Variants in DEPTOR observed in about 807,000 individuals in gnomAD.
DEPTOR encodes the protein DEP domain-containing mTOR-interacting protein.
In DEPTOR, 41 loss-of-function variants were observed where a neutral mutation model predicts 41.6. The observed-to-expected ratio is 0.98, with a 90% CI of 0.77 to 1.28. The LOEUF is 1.28. Ranked by LOEUF, DEPTOR falls within the 50% of genes most tolerant of loss-of-function variation. The pLI, the probability that DEPTOR is intolerant of heterozygous loss-of-function variation, is 0.00. For synonymous variants in DEPTOR, 195 were observed against 192.3 expected, an observed-to-expected ratio of 1.01 and a Z score of -0.12; for missense variants, 514 against 527.9, an observed-to-expected ratio of 0.97 and a Z score of 0.26.
At position 119,885,442 on chromosome 8, in the gene DEPTOR, G is replaced by A. The variant is rs146122793; in HGVS notation, c.122+11474G>A. Among the ~76,000 whole-genome samples, 71 of 152,282 alleles carry A rather than the reference G, an allele frequency of 4.7e-4. 1 individual carries two copies. The East Asian group carries it at 9.8e-3, about 21-fold the overall frequency. ...AGGGAATTACCTAATGTATGACTCT[G>A]ATTCATTTTCCCTCACATTGCCAAT... On this transcript the variant is annotated intron_variant, in intron 1 of 8. Coordinates refer to ENST00000286234, the MANE Select transcript of DEPTOR (RefSeq NM_022783.4).
intron 7 of DEPTOR, 27 bp from the exon 8 acceptor site, chr8:120,009,002 C>A (rs752944549): frequency 5.6e-6 from 9 of 1,610,074 alleles, no homozygotes; most frequent in Non-Finnish European, 6.8e-6. Flanking sequence ...CAGTCGGCTG[C>A]TTGCTAATTG....
intron 6 of DEPTOR, among the ~76,000 whole-genome samples, chr8:120,003,842 C>A (rs777913001): frequency 6.6e-6 from 1 of 152,176 alleles, no homozygotes; most frequent in East Asian, 1.9e-4. Context: ...ATCAACCACC[C>A]AGGAACTGGT....
At chr8:119,917,495 A>AT (rs1827829233) in intron 1 of DEPTOR, among the ~76,000 whole-genome samples, 2 of 152,184 alleles carry the variant, frequency 1.3e-5, no homozygotes, top group Admixed American at 1.3e-4. Flanking sequence ...GCTGTGCAAG[A>AT]TGTGCTTTGT....
At chr8:119,883,071 T>A (rs1452922077) in intron 1 of DEPTOR, among the ~76,000 whole-genome samples, 1 of 152,168 alleles carries the variant, frequency 6.6e-6, no homozygotes, top group Non-Finnish European at 1.5e-5. Flanking sequence ...CAACTTGAGC[T>A]ATTTTCATCA....
At chr8:119,911,450 C>T (rs1203586348) in intron 1 of DEPTOR, among the ~76,000 whole-genome samples, 1 of 151,650 alleles carries the variant, frequency 6.6e-6, no homozygotes, top group Non-Finnish European at 1.5e-5. Flanking sequence ...TCCCAAGCAG[C>T]TGGGATTACA....
chr8:119,958,372 A>G (rs895661559), intron 3 of DEPTOR, among the ~76,000 whole-genome samples: 15 of 152,160 alleles, frequency 9.9e-5, no homozygotes, highest in African/African-American at 3.4e-4. Context: ...TCCAAGGGGC[A>G]AAGGTGGAAG....
chr8:120,001,559 T>A lies in DEPTOR; in HGVS notation c.639T>A (p.Leu213=). ...AGCACCCATTTGTGGACAGCAATCTTCTCTACCAGTTCAGAATGAACTTCC... is the reference window on the plus strand; with the variant it reads ...AGCACCCATTTGTGGACAGCAATCTACTCTACCAGTTCAGAATGAACTTCC... ...SNKHPFVDSN[L]LYQFRMNFRR... The change falls in exon 5 of 9, where the codon CTT becomes CTA. Residue 213 remains leucine, a synonymous_variant. Coordinates refer to ENST00000286234, the MANE Select transcript of DEPTOR (RefSeq NM_022783.4). The A allele has an allele frequency of 6.2e-7, 1 of 1,613,566 alleles. No individual in the cohort carries two copies. The highest frequency in any genetic ancestry group is 8.5e-7 in the Non-Finnish European group (1 of 1,179,790).
At chr8:119,958,839 G>C (rs556438070) in intron 3 of DEPTOR, among the ~76,000 whole-genome samples, 102 of 152,144 alleles carry the variant, frequency 6.7e-4, no homozygotes, top group Non-Finnish European at 1.0e-3. Context: ...CCGTTGGTCA[G>C]AGCAAGTCAC....
intron 8 of DEPTOR, among the ~76,000 whole-genome samples, chr8:120,012,821 C>G (rs1168695452): frequency 1.3e-5 from 2 of 151,810 alleles, no homozygotes; most frequent in Non-Finnish European, 2.9e-5. Flanking sequence ...AAGCGTGAGC[C>G]ACCACGCCCA....
chr8:119,878,789 C>A (rs1266786666), intron 1 of DEPTOR, among the ~76,000 whole-genome samples: 1 of 151,970 alleles, frequency 6.6e-6, no homozygotes, highest in Non-Finnish European at 1.5e-5. Flanking sequence ...TTCCTTCTCC[C>A]AATGTATTTC....
chr8:119,930,050 T>C, intron 3 of DEPTOR, 112 bp downstream of exon 3: 4 of 1,307,662 alleles, frequency 3.1e-6, no homozygotes, highest in Non-Finnish European at 4.1e-6. Context: ...GCTGGTTACA[T>C]AACTGTTCTT....
chr8:119,919,543 A>G (rs537271780), intron 1 of DEPTOR, among the ~76,000 whole-genome samples: 2 of 152,330 alleles, frequency 1.3e-5, no homozygotes, highest in Non-Finnish European at 2.9e-5. Context: ...AGTGTATTAT[A>G]TTTCCATTTT....
At chr8:119,949,442 C>G (rs1348566862) in intron 3 of DEPTOR, among the ~76,000 whole-genome samples, 1 of 152,196 alleles carries the variant, frequency 6.6e-6, no homozygotes, top group Non-Finnish European at 1.5e-5. Flanking sequence ...ATTTGAAGAA[C>G]TGTGAGACTA....
chr8:120,001,381 G>A (rs1327412272), intron 4 of DEPTOR, 144 bp from the exon 5 acceptor site: 2 of 674,134 alleles, frequency 3.0e-6, no homozygotes, highest in Non-Finnish European at 4.5e-6. Context: ...ACCATGGGCG[G>A]ATGGGCGGCA....
chr8:119,946,446 T>C (rs1212491674), intron 3 of DEPTOR, among the ~76,000 whole-genome samples: 1 of 151,930 alleles, frequency 6.6e-6, no homozygotes, highest in East Asian at 1.9e-4. Flanking sequence ...TTTTTTTTTT[T>C]TAATGTTCTC....
At chr8:119,904,219 G>A (rs1827631131) in intron 1 of DEPTOR, among the ~76,000 whole-genome samples, 1 of 151,744 alleles carries the variant, frequency 6.6e-6, no homozygotes, top group Non-Finnish European at 1.5e-5. Context: ...CCAGGTTCAA[G>A]CAGTTCTCAT....
At chr8:119,970,583 C>T (rs1336124573) in intron 4 of DEPTOR, among the ~76,000 whole-genome samples, 2 of 152,176 alleles carry the variant, frequency 1.3e-5, no homozygotes, top group Non-Finnish European at 2.9e-5. Flanking sequence ...TTATAACTTT[C>T]CCATTCCTCG....
chr8:119,994,881 C>T (rs540753499), intron 4 of DEPTOR, among the ~76,000 whole-genome samples: 16 of 142,136 alleles, frequency 1.1e-4, no homozygotes, highest in African/African-American at 4.3e-4. Context: ...TGCACCAATG[C>T]ACTCCAGCCT....
intron 4 of DEPTOR, among the ~76,000 whole-genome samples, chr8:119,969,429 A>G (rs956080057): frequency 2.0e-5 from 3 of 149,228 alleles, no homozygotes; most frequent in Admixed American, 1.4e-4. Context: ...ATCTTGGCTC[A>G]CTGCAACCTC....
Sources: allele counts gnomAD v4.1 joint callset (sites outside exome capture counted in the v4.1 genomes callset), GRCh38; gene constraint gnomAD v4.1.1; transcripts MANE v1.5; gene names NCBI Gene and HGNC (gene_info 2026-07-23, HGNC 2026-07-21).